RAD9A: variants seen among roughly 807,000 people sequenced by gnomAD.
The protein encoded by RAD9A is cell cycle checkpoint control protein RAD9A.
Under a neutral mutation model 41.2 loss-of-function variants are expected in RAD9A, and 25 were observed. That is an observed-to-expected ratio of 0.61 (90% CI 0.44 to 0.85). The LOEUF (loss-of-function observed/expected upper bound fraction) is 0.85. Ranked by LOEUF, RAD9A falls within the 40% of genes least tolerant of loss-of-function variation. The probability of loss-of-function intolerance (pLI) is 0.00; values close to 1 mark genes in which losing one functional copy is unlikely to be tolerated. For missense variants in RAD9A, 514 were observed against 518.3 expected, an observed-to-expected ratio of 0.99 and a Z score of 0.08; for synonymous variants, 252 against 210.6, an observed-to-expected ratio of 1.20 and a Z score of -1.70.
rs1173293690 is a variant in RAD9A at position 67,397,934 on chromosome 11, T to G, written c.*375T>G. 2 of 237,748 alleles carry G rather than the reference T, an allele frequency of 8.4e-6. No individual in the cohort carries two copies. Among genetic ancestry groups the G allele is most frequent in the African/African-American group, 4.6e-5 (2 of 43,446 alleles). The allele number at this position is 237,748 out of a possible 1,614,324, so 14.7% of individuals were successfully genotyped here. ...AGTAGGTGCTGCTGGCCCCTGGTGA[T>G]CCAGCTTCTCTGCCAATCATGACCT... On this transcript the variant is annotated 3_prime_UTR_variant, in exon 11 of 11. Coordinates refer to ENST00000307980, the MANE Select transcript of RAD9A (RefSeq NM_004584.3).
chr11:67,394,524 A>G (rs765895391), intron 5 of RAD9A, among the ~76,000 whole-genome samples: 21 of 152,084 alleles, frequency 1.4e-4, no homozygotes, highest in Non-Finnish European at 2.8e-4. Context: ...TTGGGTCCTG[A>G]CATCTGTTTC....
At chr11:67,392,262 G>GT in intron 2 of RAD9A, 31 bp downstream of exon 2, 3 of 600,772 alleles carry the variant, frequency 5.0e-6, no homozygotes, top group East Asian at 4.3e-5. Flanking sequence ...GGGCGGGTGG[G>GT]ACTCCAGCCG....
At chr11:67,392,974 C>T (rs2064833942) in intron 3 of RAD9A, 192 bp downstream of exon 3, 1 of 871,954 alleles carries the variant, frequency 1.1e-6, no homozygotes, top group Non-Finnish European at 1.7e-6. Context: ...CGCTCAAGTT[C>T]GTCAAGAAAG....
chr11:67,395,144 T>C (rs1292435724), intron 5 of RAD9A: 1 of 152,646 alleles, frequency 6.6e-6, no homozygotes, highest in Non-Finnish European at 1.5e-5. Context: ...TTCACCATGT[T>C]GGCCAAGCTG....
chr11:67,392,814 C>T (rs2066491), intron 3 of RAD9A, 32 bp downstream of exon 3: 62,081 of 1,610,168 alleles, frequency 0.039, 1,524 homozygotes, highest in East Asian at 0.11. Flanking sequence ...TGGCACTACT[C>T]CACCCCAGGA....
chr11:67,397,915 T>A lies in RAD9A; in HGVS notation c.*356T>A, dbSNP rs1590933849. ...TTCCTAAGGAAAATGTCATAGTAGG[T>A]GCTGCTGGCCCCTGGTGATCCAGCT... On this transcript the variant is annotated 3_prime_UTR_variant, in exon 11 of 11. Coordinates refer to ENST00000307980, the MANE Select transcript of RAD9A (RefSeq NM_004584.3). 1 of 259,188 alleles carries A rather than the reference T, an allele frequency of 3.9e-6. No homozygotes were observed. 16.1% of individuals were successfully genotyped at this position (259,188 alleles called of 1,614,324 possible).
rs1051859886 is a variant in RAD9A, at chr11:67,393,869, G to C, written c.449+79G>C. 7.8e-6 allele frequency: 9 copies of C among 1,159,440 alleles called. No individual in the cohort carries two copies. The East Asian group carries it at 2.3e-4, about 30-fold the overall frequency. 71.8% of individuals were successfully genotyped at this position (1,159,440 alleles called of 1,614,324 possible). On this transcript the variant is annotated intron_variant, in intron 5 of 10. Transcript: ENST00000307980. Reference sequence around the variant, plus strand: ...GGGCCCCAAGGGGTTGATTTTAGAAGGTACCTCTTTCATTTTCCCTACAGA... The same window carrying C: ...GGGCCCCAAGGGGTTGATTTTAGAACGTACCTCTTTCATTTTCCCTACAGA...
chr11:67,392,377 C>G (rs1239976835), intron 2 of RAD9A, 146 bp downstream of exon 2: 5 of 893,918 alleles, frequency 5.6e-6, no homozygotes, highest in Non-Finnish European at 8.3e-6. Context: ...TGTCATCTTC[C>G]CAGGCCGGTG....
rs1447309851 is a variant in RAD9A, at chr11:67,393,696, C to T, written c.355C>T (p.Arg119Trp). 16 of 1,612,908 alleles carry T rather than the reference C, an allele frequency of 9.9e-6. No individual in the cohort carries two copies. Among genetic ancestry groups the T allele is most frequent in the South Asian group, 4.4e-5 (4 of 91,008 alleles). Reference sequence around the variant, plus strand: ...AGACCCTATCGCCCATCCAGGGGTGCGGAAGACTCACAACCTGTCCTTCCA... The same window carrying T: ...AGACCCTATCGCCCATCCAGGGGTGTGGAAGACTCACAACCTGTCCTTCCA... ...VVQLHCKFGV[R>W]KTHNLSFQDC... Residue 119 changes from arginine (R) to tryptophan (W), a missense_variant, in exon 5 of 11, where the codon CGG becomes TGG. Arg to Trp is a moderately radical substitution (Grantham distance 101). This residue lies in a region of RAD9A where 268 missense variants were observed against 279.3 expected (regional missense o/e 0.96). Transcript: ENST00000307980.
Position 67,397,354 on chromosome 11 carries a change from A to G in RAD9A, c.1048A>G (p.Ser350Gly), listed in dbSNP as rs758269652. ...HSEEEDEAEP[S>G]TVPGTPPPKK... is the part of the protein sequence containing the mutation. The stretch of plus-strand genomic sequence containing the variant: ...CGAGGAGGAAGATGAGGCTGAGCCC[A>G]GTACAGTGCCTGGGACTCCCCCACC... The change falls in exon 10 of 11, where the codon AGT (serine) becomes GGT (glycine). Residue 350 changes from serine to glycine, a missense_variant. Coordinates refer to ENST00000307980, the MANE Select transcript of RAD9A (RefSeq NM_004584.3). The G allele has an allele frequency of 2.1e-5, 31 of 1,505,130 alleles. No homozygotes were observed. Among genetic ancestry groups the G allele is most frequent in the Non-Finnish European group, 2.8e-5 (31 of 1,125,716 alleles). 93.2% of individuals were successfully genotyped at this position (1,505,130 alleles called of 1,614,324 possible). A position where few individuals can be genotyped will look rare whatever the true frequency, so the allele number is the denominator to read the frequency against.
chr11:67,396,778 G>A (rs999799135), intron 9 of RAD9A, among the ~76,000 whole-genome samples: 1 of 152,172 alleles, frequency 6.6e-6, no homozygotes, highest in African/African-American at 2.4e-5. Flanking sequence ...GGATGGCCCA[G>A]TGCACTTTCA....
At chr11:67,393,415 A>C (rs1480574383) in intron 3 of RAD9A, 81 bp from the exon 4 acceptor site, 1 of 1,555,692 alleles carries the variant, frequency 6.4e-7, no homozygotes, top group African/African-American at 1.4e-5. Context: ...TGCTGGGCCC[A>C]TGATGGGTGT....
intron 9 of RAD9A, among the ~76,000 whole-genome samples, chr11:67,396,725 G>A (rs1270152571): frequency 6.6e-6 from 1 of 152,220 alleles, no homozygotes; most frequent in Non-Finnish European, 1.5e-5. Context: ...GAGCTGCCTG[G>A]GCTGGGGGAA....
At chr11:67,396,912 TC>T (rs1862719899) in intron 9 of RAD9A, among the ~76,000 whole-genome samples, 1 of 151,970 alleles carries the variant, frequency 6.6e-6, no homozygotes, top group Non-Finnish European at 1.5e-5. Context: ...GACTTGCTGC[TC>T]CTCCCTCCTA....
chr11:67,397,936 C>A lies in RAD9A; in HGVS notation c.*377C>A. On this transcript the variant is annotated 3_prime_UTR_variant, in exon 11 of 11. Coordinates refer to ENST00000307980, the MANE Select transcript of RAD9A (RefSeq NM_004584.3). ...TAGGTGCTGCTGGCCCCTGGTGATC[C>A]AGCTTCTCTGCCAATCATGACCTGT... 1 of 237,776 alleles carries A rather than the reference C, an allele frequency of 4.2e-6. No individual in the cohort carries two copies. Among genetic ancestry groups the A allele is most frequent in the Non-Finnish European group, 8.2e-6 (1 of 121,896 alleles). The allele number at this position is 237,776 out of a possible 1,614,324, so 14.7% of individuals were successfully genotyped here. A position where few individuals can be genotyped will look rare whatever the true frequency, so the allele number is the denominator to read the frequency against.
chr11:67,397,734 TCGGG>T lies in RAD9A; in HGVS notation c.*177_*180del, dbSNP rs1862757714. The T allele has an allele frequency of 1.6e-6, 1 of 644,122 alleles. No individual in the cohort carries two copies. Among genetic ancestry groups the T allele is most frequent in the Non-Finnish European group, 2.6e-6 (1 of 379,262 alleles). The allele number at this position is 644,122 out of a possible 1,614,324, so 39.9% of individuals were successfully genotyped here. ...TCACTGTAAAGCTGTCCCACAGCGGTCGGGCCTGGGCCGTTATCTCCCCACAACC... is the reference window on the plus strand; with the variant it reads ...TCACTGTAAAGCTGTCCCACAGCGGTCCTGGGCCGTTATCTCCCCACAACC... On this transcript the variant is annotated 3_prime_UTR_variant, in exon 11 of 11. Transcript: ENST00000307980.
In RAD9A at chr11:67,396,258, C is replaced by T; in HGVS notation, c.735-5C>T. The T allele has an allele frequency of 4.3e-6, 7 of 1,614,006 alleles. No homozygotes were observed. The highest frequency in any genetic ancestry group is 5.9e-6 in the Non-Finnish European group (7 of 1,179,990). On this transcript the variant is annotated splice_region_variant and splice_polypyrimidine_tract_variant and intron_variant, in intron 8 of 10. Transcript: ENST00000307980. ...GACCTAGCTTGGGCCCCCTCCCCTG[C>T]CCAGGCCCGCCATCTTCACCATCAA...
chr11:67,393,116 C>T, intron 3 of RAD9A: 1 of 399,576 alleles, frequency 2.5e-6, no homozygotes, highest in South Asian at 3.3e-5. Context: ...CCCGTCTCTA[C>T]TAAAAATACA....
Position 67,397,342 on chromosome 11 carries a change from G to A in RAD9A, c.1036G>A (p.Glu346Lys). Reference protein sequence around the residue: ...SPGPHSEEEDEAEPSTVPGTP... With the variant: ...SPGPHSEEEDKAEPSTVPGTP... ...CGGTCCCCACTCCGAGGAGGAAGAT[G>A]AGGCTGAGCCCAGTACAGTGCCTGG... The change falls in exon 10 of 11, where the codon GAG (glutamate) becomes AAG (lysine). Residue 346 changes from glutamate to lysine, a missense_variant. Transcript: ENST00000307980. The A allele has an allele frequency of 6.5e-7, 1 of 1,540,712 alleles. No individual in the cohort carries two copies. Among genetic ancestry groups the A allele is most frequent in the Non-Finnish European group, 8.8e-7 (1 of 1,130,040 alleles).
Sources: allele counts gnomAD v4.1 joint callset (sites outside exome capture counted in the v4.1 genomes callset), GRCh38; gene constraint gnomAD v4.1.1; regional missense constraint gnomAD v4.1.1; transcripts MANE v1.5; gene names NCBI Gene and HGNC (gene_info 2026-07-23, HGNC 2026-07-21).